Variants in SEMA3A observed in about 807,000 individuals in gnomAD.
SEMA3A encodes the protein semaphorin-3A.
Under a neutral mutation model 97.9 loss-of-function variants are expected in SEMA3A, and 29 were observed. That is an observed-to-expected ratio of 0.30 (90% CI 0.22 to 0.40). The LOEUF is 0.40. Ranked by LOEUF, SEMA3A falls within the 10% of genes least tolerant of loss-of-function variation. The probability of loss-of-function intolerance (pLI) is 1.00; values close to 1 mark genes in which losing one functional copy is unlikely to be tolerated. For synonymous variants in SEMA3A, 321 were observed against 323.7 expected, an observed-to-expected ratio of 0.99 and a Z score of 0.09; for missense variants, 763 against 951.3, an observed-to-expected ratio of 0.80 and a Z score of 2.60.
chr7:84,409,510 A>C (rs1260627233), intron 1 of SEMA3A, among the ~76,000 whole-genome samples: 2 of 152,072 alleles, frequency 1.3e-5, no homozygotes, highest in Non-Finnish European at 2.9e-5. Flanking sequence ...TTTTTAGATC[A>C]AGACATGAGG....
At chr7:84,195,692 G>A (rs916615392), upstream of SEMA3A, among the ~76,000 whole-genome samples, 1 of 152,070 alleles carries the variant, frequency 6.6e-6, no homozygotes, top group Non-Finnish European at 1.5e-5. Context: ...ATTTAAAAAC[G>A]TCTATGGTTT....
intron 4 of SEMA3A, among the ~76,000 whole-genome samples, chr7:84,083,515 G>C (rs1794232256): frequency 6.6e-6 from 1 of 151,708 alleles, no homozygotes; most frequent in Non-Finnish European, 1.5e-5. Context: ...GTTAACTAAA[G>C]TCCTCCTATT....
At chr7:84,475,372 GGTTT>G (rs1048337147) in intron 1 of SEMA3A, among the ~76,000 whole-genome samples, 3 of 152,020 alleles carry the variant, frequency 2.0e-5, no homozygotes, top group African/African-American at 7.3e-5. Flanking sequence ...GAGTGGTGGT[GGTTT>G]GTTTGGTTGC....
intron 3 of SEMA3A, among the ~76,000 whole-genome samples, chr7:84,262,396 C>T (rs1240334571): frequency 2.6e-5 from 4 of 151,860 alleles, no homozygotes; most frequent in Non-Finnish European, 4.4e-5. Flanking sequence ...TGTATTTTTA[C>T]TAGAGACAGG....
chr7:84,060,744 T>C (rs1257601738), intron 4 of SEMA3A, among the ~76,000 whole-genome samples, 186 bp from the exon 5 acceptor site: 1 of 152,222 alleles, frequency 6.6e-6, no homozygotes, highest in Non-Finnish European at 1.5e-5. Context: ...ACTAGCCAAA[T>C]ATCTACTTAG....
chr7:84,408,200 AAAAC>A (rs1301791424), intron 1 of SEMA3A, among the ~76,000 whole-genome samples: 4 of 152,186 alleles, frequency 2.6e-5, no homozygotes, highest in African/African-American at 7.2e-5. Context: ...TTACAAGAAA[AAAAC>A]AAACAACCCC....
chr7:84,261,215 CT>C (rs1799849490), intron 3 of SEMA3A, among the ~76,000 whole-genome samples: 1 of 152,146 alleles, frequency 6.6e-6, no homozygotes, highest in African/African-American at 2.4e-5. Context: ...GAGCTACTCA[CT>C]TTGAGTCTGT....
At chr7:84,150,680 C>A (rs557395584) in intron 1 of SEMA3A, among the ~76,000 whole-genome samples, 2 of 152,134 alleles carry the variant, frequency 1.3e-5, no homozygotes, top group African/African-American at 4.8e-5. Flanking sequence ...CCCGCCATTG[C>A]CCAGGCTTGA....
chr7:84,441,022 G>A (rs954941718), intron 1 of SEMA3A, among the ~76,000 whole-genome samples: 5 of 152,144 alleles, frequency 3.3e-5, no homozygotes, highest in East Asian at 1.9e-4. Flanking sequence ...TCCGGGCGTC[G>A]GGGCGCATGC....
intron 1 of SEMA3A, among the ~76,000 whole-genome samples, chr7:84,184,250 G>A (rs760807595): frequency 2.0e-5 from 3 of 152,120 alleles, no homozygotes; most frequent in Non-Finnish European, 4.4e-5. Context: ...TTGTCTGGAA[G>A]AAGGGCTTAA....
Position 84,405,962 on chromosome 7 carries a change from C to G in SEMA3A, c.-245-34062G>C, listed in dbSNP as rs1274649597. Among the ~76,000 whole-genome samples the G allele has an allele frequency of 6.6e-5, 10 of 152,102 alleles. No individual in the cohort carries two copies. The East Asian group carries it at 1.9e-3, about 29-fold the overall frequency. ...GAGAAAGCAGGAAAGATCTAAAATT[C>G]ACACCCTAACAACACAATTAAAAGA... On this transcript the variant is annotated intron_variant, in intron 1 of 3. Coordinates refer to the SEMA3A transcript ENST00000424555.
intron 4 of SEMA3A, among the ~76,000 whole-genome samples, chr7:84,073,193 T>C (rs905597300): frequency 2.0e-5 from 3 of 152,086 alleles, no homozygotes; most frequent in Admixed American, 1.3e-4. Context: ...ATGTTCTGTT[T>C]TAGTATATAA....
At chr7:84,116,223 C>T (rs1392821247) in intron 3 of SEMA3A, among the ~76,000 whole-genome samples, 1 of 152,028 alleles carries the variant, frequency 6.6e-6, no homozygotes, top group Non-Finnish European at 1.5e-5. Context: ...TATCTTAATA[C>T]ATCTTATAAT....
upstream of SEMA3A, among the ~76,000 whole-genome samples, chr7:84,195,747 T>G (rs1327184122): frequency 6.6e-6 from 1 of 152,112 alleles, no homozygotes; most frequent in Non-Finnish European, 1.5e-5. Context: ...ATGCATCACA[T>G]CTCATTAATT....
intron 4 of SEMA3A, among the ~76,000 whole-genome samples, chr7:84,089,380 A>G (rs1794490448): frequency 6.6e-6 from 1 of 152,186 alleles, no homozygotes; most frequent in Non-Finnish European, 1.5e-5. Context: ...TTTCAACTAC[A>G]CAGGTAACAA....
intron 5 of SEMA3A, among the ~76,000 whole-genome samples, chr7:84,050,153 T>C (rs1023402417): frequency 2.0e-5 from 3 of 152,054 alleles, no homozygotes; most frequent in African/African-American, 4.8e-5. Flanking sequence ...TTTGTTATTG[T>C]GAATAATGCC....
intron 1 of SEMA3A, among the ~76,000 whole-genome samples, chr7:84,409,455 G>A (rs1380577870): frequency 6.6e-6 from 1 of 151,802 alleles, no homozygotes; most frequent in African/African-American, 2.4e-5. Flanking sequence ...TTTCACATTA[G>A]CCCTTTTTGT....
At chr7:84,210,865 A>G (rs533684208) in intron 3 of SEMA3A, among the ~76,000 whole-genome samples, 2 of 152,312 alleles carry the variant, frequency 1.3e-5, no homozygotes, top group Admixed American at 1.3e-4. Flanking sequence ...AATATTGTCA[A>G]CACAAAACAG....
At chr7:84,088,403 A>G (rs924499691) in intron 4 of SEMA3A, among the ~76,000 whole-genome samples, 1 of 152,018 alleles carries the variant, frequency 6.6e-6, no homozygotes, top group Non-Finnish European at 1.5e-5. Context: ...GCAGTGAGCC[A>G]AGATCGCACC....
Sources: gnomAD v4.1 joint callset for allele counts (sites outside exome capture counted in the v4.1 genomes callset) on GRCh38, gnomAD v4.1.1 for gene constraint, MANE v1.5 for transcripts, NCBI Gene and HGNC (gene_info 2026-07-23, HGNC 2026-07-21) for gene names.